ARHGAP19: variants seen among roughly 807,000 people sequenced by gnomAD.
ARHGAP19 encodes the protein rho GTPase-activating protein 19.
A neutral mutation model predicts 60.9 loss-of-function variants in ARHGAP19; 48 were observed. The ratio of observed to expected loss-of-function variants is 0.79; its 90% confidence interval spans 0.62 to 1.00. The LOEUF (loss-of-function observed/expected upper bound fraction) is 1.00. ARHGAP19 is among the 50% of genes least tolerant of loss of function. The pLI is 0.00. For missense variants in ARHGAP19, 562 were observed against 597.2 expected, an observed-to-expected ratio of 0.94 and a Z score of 0.61; for synonymous variants, 209 against 215.5, an observed-to-expected ratio of 0.97 and a Z score of 0.27.
At chr10:97,259,351 G>A in intron 5 of ARHGAP19, 51 bp downstream of exon 5, 1 of 1,407,306 alleles carries the variant, frequency 7.1e-7, no homozygotes, top group Non-Finnish European at 1.0e-6. Context: ...CATAGAATGA[G>A]GCCCAGCCCA....
intron 6 of ARHGAP19, among the ~76,000 whole-genome samples, chr10:97,249,498 G>A (rs1485509713): frequency 6.6e-6 from 1 of 152,120 alleles, no homozygotes; most frequent in Non-Finnish European, 1.5e-5. Context: ...GGAACTACAT[G>A]GAAGGTGATA....
intron 5 of ARHGAP19, 181 bp from the exon 6 acceptor site, chr10:97,256,585 T>C: frequency 1.9e-6 from 1 of 518,622 alleles, no homozygotes; most frequent in Non-Finnish European, 3.4e-6. Flanking sequence ...AGAAAAACAA[T>C]GTGTCCCTGA....
intron 4 of ARHGAP19, among the ~76,000 whole-genome samples, chr10:97,262,037 T>A (rs75209221): frequency 0.028 from 4,337 of 152,220 alleles, 77 homozygotes; most frequent in Non-Finnish European, 0.045. Context: ...ACAAAATATC[T>A]CTGGAAGGAT....
intron 9 of ARHGAP19, among the ~76,000 whole-genome samples, chr10:97,234,677 T>C (rs1486783771): frequency 6.6e-6 from 1 of 151,410 alleles, no homozygotes; most frequent in Non-Finnish European, 1.5e-5. Flanking sequence ...ATAGCAGCAA[T>C]AACATAGAAG....
chr10:97,225,846 C>G lies in ARHGAP19; in HGVS notation c.*276G>C. 1 of 420,448 alleles carries G rather than the reference C, an allele frequency of 2.4e-6. No individual in the cohort carries two copies. 26.0% of individuals were successfully genotyped at this position (420,448 alleles called of 1,614,324 possible). A position where few individuals can be genotyped will look rare whatever the true frequency, so the allele number is the denominator to read the frequency against. On this transcript the variant is annotated 3_prime_UTR_variant, in exon 12 of 12. Coordinates refer to ENST00000358531, the MANE Select transcript of ARHGAP19 (RefSeq NM_032900.6). ...ACATTGAGTGAGCACTGAAGCCCAC[C>G]TTAGTGTGCTGTATAAGCTGGTTGG...
intron 9 of ARHGAP19, among the ~76,000 whole-genome samples, chr10:97,234,663 G>A (rs183978053): frequency 2.6e-4 from 40 of 151,654 alleles, no homozygotes; most frequent in African/African-American, 9.2e-4. Context: ...CTGCAAACAT[G>A]GTGATAGCAG....
intron 6 of ARHGAP19, among the ~76,000 whole-genome samples, chr10:97,250,188 C>CA (rs1554863015): frequency 6.6e-6 from 1 of 151,522 alleles, no homozygotes; most frequent in Non-Finnish European, 1.5e-5. Context: ...GTGATTCAGC[C>CA]AAAAAAGTGT....
rs910329783 is a variant in ARHGAP19 at position 97,224,592 on chromosome 10, C to T, written c.*1530G>A. 1 of 152,260 alleles carries T rather than the reference C, an allele frequency of 6.6e-6. No individual in the cohort carries two copies. Among genetic ancestry groups the T allele is most frequent in the Non-Finnish European group, 1.5e-5 (1 of 68,054 alleles). The allele number at this position is 152,260 out of a possible 1,614,324, so 9.4% of individuals were successfully genotyped here. A position where few individuals can be genotyped will look rare whatever the true frequency, so the allele number is the denominator to read the frequency against. ...TGGGCACAAGGCCAAGCTCTGCTCC[C>T]CCAGAGTCATCTTTCATTTCAGCAA... is the stretch of plus-strand genomic sequence containing the variant. On this transcript the variant is annotated 3_prime_UTR_variant, in exon 12 of 12. Coordinates refer to ENST00000358531, the MANE Select transcript of ARHGAP19 (RefSeq NM_032900.6).
At chr10:97,233,749 T>C (rs1851071999) in intron 9 of ARHGAP19, among the ~76,000 whole-genome samples, 2 of 151,768 alleles carry the variant, frequency 1.3e-5, no homozygotes, top group Non-Finnish European at 1.5e-5. Flanking sequence ...ACGCCTGTAG[T>C]CCCAGCTACT....
intron 7 of ARHGAP19, among the ~76,000 whole-genome samples, chr10:97,245,922 TG>T (rs957802390): frequency 2.6e-5 from 4 of 151,576 alleles, no homozygotes; most frequent in African/African-American, 9.7e-5. Context: ...ATAAAAATTG[TG>T]GGGGGGAGGC....
chr10:97,292,590 GC>G lies in ARHGAP19; in HGVS notation c.37del (p.Ala13ProfsTer14). ...TEAQSEGEVP[A>X]RESGRSDAIC... ...AGCTCACCTCCGGCCGGATTCGCGG[GC>G]TGGCACCTCCCCTTCACTCTGTGCC... On this transcript the variant is annotated frameshift_variant, in exon 1 of 12. Transcript: ENST00000358531. LOFTEE classifies it high-confidence loss of function. The G allele has an allele frequency of 6.2e-7, 1 of 1,614,196 alleles. No individual in the cohort carries two copies. The highest frequency in any genetic ancestry group is 2.2e-5 in the East Asian group (1 of 44,884).
intron 6 of ARHGAP19, among the ~76,000 whole-genome samples, chr10:97,251,231 G>T (rs117864859): frequency 0.051 from 192 of 3,800 alleles, 10 homozygotes; most frequent in Non-Finnish European, 0.11. Context: ...GGAAGGGGAA[G>T]GGAAGGGGAA....
chr10:97,281,594 T>C (rs2134920034), intron 1 of ARHGAP19, among the ~76,000 whole-genome samples: 1 of 152,326 alleles, frequency 6.6e-6, no homozygotes, highest in South Asian at 2.1e-4. Context: ...CTAATTGCTT[T>C]GTAACTTTAC....
At chr10:97,227,373 G>A (rs1850917235) in intron 11 of ARHGAP19, among the ~76,000 whole-genome samples, 1 of 152,146 alleles carries the variant, frequency 6.6e-6, no homozygotes, top group Non-Finnish European at 1.5e-5. Context: ...TTATCATACA[G>A]AGAGCAGAGC....
chr10:97,274,025 T>C (rs1420023738), intron 1 of ARHGAP19, among the ~76,000 whole-genome samples: 1 of 152,044 alleles, frequency 6.6e-6, no homozygotes, highest in East Asian at 1.9e-4. Context: ...ATGACATTTA[T>C]ATCAAATTTT....
Position 97,259,583 on chromosome 10 carries a change from T to C in ARHGAP19, c.659A>G (p.Asp220Gly). 1 of 1,614,164 alleles carries C rather than the reference T, an allele frequency of 6.2e-7. No individual in the cohort carries two copies. The highest frequency in any genetic ancestry group is 8.5e-7 in the Non-Finnish European group (1 of 1,180,020). ...GAGAGCCTCAATTTGCCGGTCCTTGTCTGGTATATTGGTCTTGTTTCCTTT... is the reference window on the plus strand; with the variant it reads ...GAGAGCCTCAATTTGCCGGTCCTTGCCTGGTATATTGGTCTTGTTTCCTTT... The part of the protein sequence containing the change: ...DDKGNKTNIP[D>G]KDRQIEALQL... Residue 220 changes from aspartate (D) to glycine (G), a missense_variant, in exon 5 of 12, where the codon GAC becomes GGC. Asp to Gly is a moderately conservative substitution (Grantham distance 94). Transcript: ENST00000358531.
chr10:97,274,473 A>AT (rs1009318031), intron 1 of ARHGAP19, among the ~76,000 whole-genome samples: 2 of 151,984 alleles, frequency 1.3e-5, no homozygotes, highest in Non-Finnish European at 2.9e-5. Flanking sequence ...TTAAAAAAAA[A>AT]AAAAGAGTTC....
chr10:97,280,963 A>G (rs1192128483), intron 1 of ARHGAP19, among the ~76,000 whole-genome samples: 2 of 152,190 alleles, frequency 1.3e-5, no homozygotes, highest in Non-Finnish European at 2.9e-5. Context: ...TAGGTCCTAA[A>G]AGACTACTTC....
chr10:97,231,692 T>C (rs1230693993), intron 9 of ARHGAP19, among the ~76,000 whole-genome samples: 2 of 152,218 alleles, frequency 1.3e-5, no homozygotes, highest in Non-Finnish European at 2.9e-5. Flanking sequence ...CCAAGGTTTG[T>C]CATCCATTCA....
Sources: gnomAD v4.1 joint callset for allele counts (sites outside exome capture counted in the v4.1 genomes callset) on GRCh38, gnomAD v4.1.1 for gene constraint, MANE v1.5 for transcripts, NCBI Gene and HGNC (gene_info 2026-07-23, HGNC 2026-07-21) for gene names.